PSD3: variants seen among roughly 807,000 people sequenced by gnomAD.
The protein encoded by PSD3 is PH and SEC7 domain-containing protein 3.
In PSD3, 49 loss-of-function variants were observed where a neutral mutation model predicts 105.5. That is an observed-to-expected ratio of 0.46 (90% CI 0.37 to 0.59). The LOEUF (loss-of-function observed/expected upper bound fraction) is 0.59, where lower values mean the gene tolerates loss of function less well. Ranked by LOEUF, PSD3 falls within the 20% of genes least tolerant of loss-of-function variation. PSD3 has a pLI of 0.00. For synonymous variants in PSD3, 557 were observed against 457.8 expected, an observed-to-expected ratio of 1.22 and a Z score of -2.77; for missense variants, 1,561 against 1,263.8, an observed-to-expected ratio of 1.24 and a Z score of -3.57.
intron 1 of PSD3, among the ~76,000 whole-genome samples, chr8:19,082,909 AC>A (rs1477303288): frequency 6.6e-5 from 10 of 152,102 alleles, no homozygotes; most frequent in African/African-American, 2.4e-4. Flanking sequence ...CAAGAGCGCT[AC>A]TCTGGAGAGC....
At chr8:18,552,150 T>C (rs1339345490) in intron 15 of PSD3, among the ~76,000 whole-genome samples, 1 of 152,204 alleles carries the variant, frequency 6.6e-6, no homozygotes, top group Admixed American at 6.5e-5. Flanking sequence ...TCTAACAGGC[T>C]TTACAATGAC....
intron 2 of PSD3, among the ~76,000 whole-genome samples, chr8:18,875,262 G>T (rs1817654206): frequency 6.6e-6 from 1 of 152,138 alleles, no homozygotes; most frequent in African/African-American, 2.4e-5. Context: ...AATCTAACAA[G>T]CACTTCTCTG....
chr8:18,572,407 C>T, intron 14 of PSD3, 121 bp downstream of exon 14: 10 of 1,224,730 alleles, frequency 8.2e-6, no homozygotes, highest in Non-Finnish European at 1.1e-5. Context: ...ATGATACGCT[C>T]TCACAGGGCA....
intron 4 of PSD3, among the ~76,000 whole-genome samples, chr8:18,828,489 G>T (rs1813410065): frequency 1.3e-5 from 2 of 151,952 alleles, no homozygotes; most frequent in South Asian, 2.1e-4. Context: ...TTGACAAAAG[G>T]TATTTTTTAC....
rs567697193 is a variant in PSD3, at chr8:18,856,095, T to C, written c.1634+11579A>G. Among the ~76,000 whole-genome samples, 13 of 152,168 alleles carry C rather than the reference T, an allele frequency of 8.5e-5. No individual in the cohort carries two copies. The South Asian group carries it at 2.3e-3, about 27-fold the overall frequency. On this transcript the variant is annotated intron_variant, in intron 4 of 15. Transcript: ENST00000327040. ...CTCCTTCTGCCATAGTTCAGCTCCT[T>C]CTCTCTGGCATGTCACCCTGCTCCA...
At chr8:18,654,374 G>A (rs1230617032) in intron 10 of PSD3, among the ~76,000 whole-genome samples, 2 of 152,100 alleles carry the variant, frequency 1.3e-5, no homozygotes, top group African/African-American at 4.8e-5. Flanking sequence ...GTTCATTGTA[G>A]AATGCTCTGT....
Position 18,763,673 on chromosome 8 carries a change from G to A in PSD3, c.2172+1776C>T, listed in dbSNP as rs114370496. Among the ~76,000 whole-genome samples, 1,015 of 152,122 alleles carry A rather than the reference G, an allele frequency of 6.7e-3. 15 individuals are homozygous for A. Among genetic ancestry groups the A allele is most frequent in the African/African-American group, 0.023 (951 of 41,504 alleles). ...AAAGGGAGGAAAGGGAAGGAAAACC[G>A]AACAGCACACAGAATAGAGGAATGA... is the stretch of plus-strand genomic sequence containing the variant. On this transcript the variant is annotated intron_variant, in intron 9 of 15. Coordinates refer to ENST00000327040, the MANE Select transcript of PSD3 (RefSeq NM_015310.4).
intron 12 of PSD3, among the ~76,000 whole-genome samples, chr8:18,595,394 A>G (rs941885701): frequency 1.3e-5 from 2 of 151,784 alleles, no homozygotes; most frequent in African/African-American, 2.4e-5. Context: ...TTAAATATGA[A>G]TGGATTAAAC....
chr8:18,648,372 G>A (rs1025928275), intron 10 of PSD3, among the ~76,000 whole-genome samples: 1 of 152,234 alleles, frequency 6.6e-6, no homozygotes, highest in African/African-American at 2.4e-5. Flanking sequence ...TGTTTGTTAT[G>A]CGGAAGCAAA....
intron 2 of PSD3, among the ~76,000 whole-genome samples, chr8:18,918,128 C>T (rs1161022529): frequency 6.6e-6 from 1 of 152,154 alleles, no homozygotes; most frequent in Non-Finnish European, 1.5e-5. Flanking sequence ...TAGCATGGCA[C>T]GTAAGACCAT....
chr8:18,711,048 A>G (rs1396436713), intron 9 of PSD3, among the ~76,000 whole-genome samples: 1 of 152,182 alleles, frequency 6.6e-6, no homozygotes, highest in Non-Finnish European at 1.5e-5. Flanking sequence ...AAGCTTTGTG[A>G]GTGAAGGGGA....
chr8:19,082,213 G>A (rs570776521), intron 1 of PSD3, among the ~76,000 whole-genome samples: 5 of 152,164 alleles, frequency 3.3e-5, no homozygotes, highest in East Asian at 3.9e-4. Context: ...ATAGCCGTAC[G>A]GCACCTACAG....
chr8:18,993,885 T>C (rs1236299740), intron 1 of PSD3, among the ~76,000 whole-genome samples: 2 of 152,044 alleles, frequency 1.3e-5, no homozygotes, highest in African/African-American at 2.4e-5. Context: ...TATATCAATA[T>C]AATTTGATTA....
intron 4 of PSD3, chr8:18,809,039 T>A: frequency 1.1e-6 from 1 of 901,998 alleles, no homozygotes; most frequent in Non-Finnish European, 1.5e-6. Context: ...TAAGAAACAG[T>A]GAGCCCAGCC....
chr8:18,780,586 C>G (rs2129445230), intron 8 of PSD3, among the ~76,000 whole-genome samples: 1 of 152,200 alleles, frequency 6.6e-6, no homozygotes, highest in African/African-American at 2.4e-5. Context: ...GACACTCACT[C>G]TGTTGCCCAG....
intron 2 of PSD3, among the ~76,000 whole-genome samples, chr8:18,895,051 A>G (rs1273992264): frequency 6.6e-6 from 1 of 152,160 alleles, no homozygotes; most frequent in Non-Finnish European, 1.5e-5. Flanking sequence ...CCACCCTTTG[A>G]AAGACACCAA....
upstream of PSD3, among the ~76,000 whole-genome samples, chr8:19,017,723 G>A (rs1342848451): frequency 6.6e-6 from 1 of 152,118 alleles, no homozygotes; most frequent in Non-Finnish European, 1.5e-5. Context: ...CATCCATATT[G>A]TAGCATATAT....
At chr8:19,000,794 C>A (rs959842818) in intron 1 of PSD3, 1 of 151,906 alleles carries the variant, frequency 6.6e-6, no homozygotes. Context: ...TATCAGAGCA[C>A]CTACTCTGCC....
At chr8:18,784,854 G>C (rs548920970) in intron 8 of PSD3, among the ~76,000 whole-genome samples, 5 of 152,206 alleles carry the variant, frequency 3.3e-5, no homozygotes, top group African/African-American at 9.6e-5. Context: ...TTTTTACAGA[G>C]GCTTTATAAC....
Sources: allele counts gnomAD v4.1 joint callset (sites outside exome capture counted in the v4.1 genomes callset), GRCh38; gene constraint gnomAD v4.1.1; transcripts MANE v1.5; gene names NCBI Gene and HGNC (gene_info 2026-07-23, HGNC 2026-07-21).